The following CFAP54 variants were observed in gnomAD, a reference collection of about 807,000 sequenced individuals.
The protein encoded by CFAP54 is cilia and flagella associated protein 54, also known as cilia- and flagella-associated protein 54.
Under a neutral mutation model 370.4 loss-of-function variants are expected in CFAP54, and 290 were observed. The observed-to-expected ratio is 0.78, with a 90% CI of 0.71 to 0.86. CFAP54 has a LOEUF of 0.86. CFAP54 is among the 40% of genes least tolerant of loss of function. CFAP54 has a pLI of 0.00. For synonymous variants in CFAP54, 1,206 were observed against 1,236.5 expected, an observed-to-expected ratio of 0.98 and a Z score of 0.52; for missense variants, 3,399 against 3,528.7, an observed-to-expected ratio of 0.96 and a Z score of 0.93.
At chr12:96,528,051 G>A (rs1188324057) in intron 9 of CFAP54, among the ~76,000 whole-genome samples, 1 of 152,044 alleles carries the variant, frequency 6.6e-6, no homozygotes, top group Non-Finnish European at 1.5e-5. Context: ...TGGTTGCACT[G>A]GCTAGGATCT....
chr12:96,602,329 T>A (rs529582542), intron 26 of CFAP54, among the ~76,000 whole-genome samples: 1 of 152,222 alleles, frequency 6.6e-6, no homozygotes, highest in East Asian at 1.9e-4. Context: ...GACAGTTTGT[T>A]GTGATTTCTG....
rs573668132 is a variant in CFAP54 at position 96,503,943 on chromosome 12, A to G, written c.481A>G (p.Asn161Asp). ...AAGATATCTTCAGCAGTTCAATACCAATTTTGATGAGAATAAAGTGGATGT... is the reference window on the plus strand; with the variant it reads ...AAGATATCTTCAGCAGTTCAATACCGATTTTGATGAGAATAAAGTGGATGT... ...YGRYLQQFNT[N>D]FDENKVDVTQ... Residue 161 changes from asparagine to aspartate, a missense_variant, in exon 3 of 68, where the codon AAT (asparagine) becomes GAT (aspartate). By Grantham distance (23) the Asn-to-Asp change is conservative. Transcript: ENST00000524981. The G allele has an allele frequency of 8.5e-6, 13 of 1,528,538 alleles. No individual in the cohort carries two copies. In the East Asian group the frequency reaches 3.0e-4, roughly 35 times the overall value. The allele number at this position is 1,528,538 out of a possible 1,614,324, so 94.7% of individuals were successfully genotyped here.
At chr12:96,772,078 TTTTAG>T (rs1958468482) in intron 60 of CFAP54, among the ~76,000 whole-genome samples, 2 of 152,242 alleles carry the variant, frequency 1.3e-5, no homozygotes, top group African/African-American at 4.8e-5. Flanking sequence ...TGTTTTTTTC[TTTTAG>T]TTTAATTCAT....
intron 19 of CFAP54, among the ~76,000 whole-genome samples, chr12:96,565,563 A>C (rs1391917080): frequency 6.6e-6 from 1 of 152,182 alleles, no homozygotes; most frequent in Admixed American, 6.6e-5. Context: ...GTTTAATGAG[A>C]AAATTTAGCA....
intron 4 of CFAP54, among the ~76,000 whole-genome samples, chr12:96,508,217 T>G (rs1955128141): frequency 7.0e-6 from 1 of 143,020 alleles, no homozygotes. Context: ...GCCTTGAGCC[T>G]TGAACTCCTG....
Position 96,623,860 on chromosome 12 carries a change from C to G in CFAP54, c.3865C>G (p.Leu1289Val). The change falls in exon 28 of 68, where the codon CTA (leucine) becomes GTA (valine). Residue 1289 changes from leucine (L) to valine (V), a missense_variant. This residue lies in a region of CFAP54 where 2,796 missense variants were observed against 2,869.7 expected (regional missense o/e 0.97). Coordinates refer to ENST00000524981, the MANE Select transcript of CFAP54 (RefSeq NM_001306084.2). ...ACAGCTGGCCTTGTTGGAGACACAC[C>G]TACTCAAACTGACAAAGCAATGTAA... ...NEQLALLETHLLKLTKQYVTS... is the reference protein window; with the variant it reads ...NEQLALLETHVLKLTKQYVTS... 5 of 1,533,318 alleles carry G rather than the reference C, an allele frequency of 3.3e-6. No homozygotes were observed. The highest frequency in any genetic ancestry group is 4.4e-6 in the Non-Finnish European group (5 of 1,144,586). The allele number at this position is 1,533,318 out of a possible 1,614,324, so 95.0% of individuals were successfully genotyped here.
chr12:96,517,367 A>G (rs891898469), intron 5 of CFAP54, among the ~76,000 whole-genome samples: 1 of 152,200 alleles, frequency 6.6e-6, no homozygotes. Context: ...TTTCCATAGC[A>G]AATCAAATAC....
rs549872031 is a variant in CFAP54, at chr12:96,743,603, C to T, written c.7377+44C>T. ...TCGTATTTATAGTCAGGGAGGGATTCCAGTTAGAACAAAAGGAGAGAATTT... is the reference window on the plus strand; with the variant it reads ...TCGTATTTATAGTCAGGGAGGGATTTCAGTTAGAACAAAAGGAGAGAATTT... On this transcript the variant is annotated intron_variant, in intron 53 of 67. Coordinates refer to ENST00000524981, the MANE Select transcript of CFAP54 (RefSeq NM_001306084.2). The T allele has an allele frequency of 5.2e-5, 83 of 1,608,754 alleles. No individual in the cohort carries two copies. In the South Asian group the frequency reaches 8.8e-4, roughly 17 times the overall value.
At chr12:96,648,966 G>T (rs560597126) in intron 34 of CFAP54, among the ~76,000 whole-genome samples, 4 of 152,218 alleles carry the variant, frequency 2.6e-5, no homozygotes, top group African/African-American at 9.6e-5. Context: ...CCCCTTTCCT[G>T]CAAAGATGAT....
intron 25 of CFAP54, among the ~76,000 whole-genome samples, chr12:96,596,421 A>G (rs1246413287): frequency 6.6e-6 from 1 of 152,110 alleles, no homozygotes. Flanking sequence ...ATAGGCCTCA[A>G]TATATATGAG....
At chr12:96,554,850 G>T in intron 17 of CFAP54, 48 bp downstream of exon 17, 1 of 1,495,374 alleles carries the variant, frequency 6.7e-7, no homozygotes, top group Non-Finnish European at 8.9e-7. Flanking sequence ...TTTTAAGCCA[G>T]ACTCCAGTAC....
intron 39 of CFAP54, among the ~76,000 whole-genome samples, chr12:96,668,826 A>C (rs1957110697): frequency 6.6e-6 from 1 of 152,178 alleles, no homozygotes; most frequent in South Asian, 2.1e-4. Flanking sequence ...GGATTCTTTC[A>C]CTTATTCATC....
intron 15 of CFAP54, among the ~76,000 whole-genome samples, chr12:96,549,580 G>A (rs924321881): frequency 1.3e-5 from 2 of 152,184 alleles, no homozygotes; most frequent in Admixed American, 1.3e-4. Flanking sequence ...TGGTTGAAGA[G>A]CATAGCATTT....
chr12:96,556,327 AAAAAAT>A (rs1452333327), intron 17 of CFAP54, among the ~76,000 whole-genome samples: 2 of 152,018 alleles, frequency 1.3e-5, no homozygotes, highest in African/African-American at 2.4e-5. Context: ...GAAAGCAAAA[AAAAAAT>A]AAAAATAAAA....
At chr12:96,731,761 G>A (rs1592731294) in intron 50 of CFAP54, among the ~76,000 whole-genome samples, 1 of 152,032 alleles carries the variant, frequency 6.6e-6, no homozygotes, top group East Asian at 1.9e-4. Flanking sequence ...TTTCCTAAAT[G>A]ACTTATGCAT....
chr12:96,518,916 T>C lies in CFAP54; in HGVS notation c.799-12T>C. The C allele has an allele frequency of 6.6e-7, 1 of 1,516,518 alleles. No homozygotes were observed. The highest frequency in any genetic ancestry group is 8.8e-7 in the Non-Finnish European group (1 of 1,135,056). The allele number at this position is 1,516,518 out of a possible 1,614,324, so 93.9% of individuals were successfully genotyped here. A position where few individuals can be genotyped will look rare whatever the true frequency, so the allele number is the denominator to read the frequency against. Reference sequence around the variant, plus strand: ...AATGAAAACAAATCCAATGGTGCCCTTTATTTTGCAGGCCTTAGAGTATCT... The same window carrying C: ...AATGAAAACAAATCCAATGGTGCCCCTTATTTTGCAGGCCTTAGAGTATCT... On this transcript the variant is annotated splice_polypyrimidine_tract_variant and intron_variant, in intron 5 of 67. Coordinates refer to ENST00000524981, the MANE Select transcript of CFAP54 (RefSeq NM_001306084.2).
intron 50 of CFAP54, among the ~76,000 whole-genome samples, chr12:96,732,957 A>T (rs4762325): frequency 0.027 from 4,120 of 152,138 alleles, 132 homozygotes; most frequent in East Asian, 0.1. Context: ...TGTATCCTAT[A>T]CCCTTTTGGT....
chr12:96,586,275 G>A (rs761142806), intron 22 of CFAP54, among the ~76,000 whole-genome samples: 1 of 152,010 alleles, frequency 6.6e-6, no homozygotes, highest in Non-Finnish European at 1.5e-5. Context: ...TGAGGCCCAG[G>A]GACCATACTT....
At chr12:96,779,895 A>G (rs1228586621) in intron 60 of CFAP54, among the ~76,000 whole-genome samples, 1 of 152,162 alleles carries the variant, frequency 6.6e-6, no homozygotes, top group Admixed American at 6.5e-5. Context: ...CTAGATTGCA[A>G]TTAAGATTAA....
Sources: allele counts gnomAD v4.1 joint callset (sites outside exome capture counted in the v4.1 genomes callset), GRCh38; gene constraint gnomAD v4.1.1; regional missense constraint gnomAD v4.1.1; transcripts MANE v1.5; gene names NCBI Gene and HGNC (gene_info 2026-07-23, HGNC 2026-07-21).